The following IL9R variants were observed in gnomAD, a reference collection of about 807,000 sequenced individuals.
IL9R encodes interleukin 9 receptor, also known as interleukin-9 receptor.
Under a neutral mutation model 56.3 loss-of-function variants are expected in IL9R, and 54 were observed. The observed-to-expected ratio is 0.96, with a 90% CI of 0.77 to 1.20. The LOEUF (loss-of-function observed/expected upper bound fraction) is 1.20, where lower values mean the gene tolerates loss of function less well. Ranked by LOEUF, IL9R falls within the 50% of genes most tolerant of loss-of-function variation. IL9R has a pLI of 0.00. For synonymous variants in IL9R, 212 were observed against 250.2 expected (o/e 0.85, Z 1.44); for missense variants, 545 against 629.8 (o/e 0.87, Z 1.44).
intron 1 of IL9R, 66 bp downstream of exon 1, chrX:155,997,853 C>T (rs2067246533): frequency 1.4e-6 from 2 of 1,465,694 alleles, no homozygotes; most frequent in Admixed American, 1.7e-5. Flanking sequence ...CAGAGAGGGA[C>T]ATGTGGCCCT....
rs772005040 is a variant in IL9R at position 156,005,484 on chromosome X, G to T, written c.781+5G>T. ...TCCAGGCTCCCCAGAGACAAGGTGGGCACTGCTGTGGCTGCTGCACTTCCA... is the reference window on the plus strand; with the variant it reads ...TCCAGGCTCCCCAGAGACAAGGTGGTCACTGCTGTGGCTGCTGCACTTCCA... On this transcript the variant is annotated splice_donor_5th_base_variant and intron_variant, in intron 6 of 8. Coordinates refer to ENST00000244174, the MANE Select transcript of IL9R (RefSeq NM_002186.3). 6.2e-7 allele frequency: 1 copy of T among 1,611,264 alleles called. No homozygotes were observed. The highest frequency in any genetic ancestry group is 8.5e-7 in the Non-Finnish European group (1 of 1,178,478).
chrX:156,009,399 GTC>G (rs2068329290), intron 8 of IL9R, among the ~76,000 whole-genome samples: 1 of 146,914 alleles, frequency 6.8e-6, no homozygotes, highest in Non-Finnish European at 1.5e-5. Flanking sequence ...GTGTGTGTGT[GTC>G]TCTGTGTGTG....
At chrX:156,003,990 G>A (rs1204697150) in intron 4 of IL9R, 135 bp downstream of exon 4, 1 of 954,250 alleles carries the variant, frequency 1.0e-6, no homozygotes, top group Admixed American at 2.3e-5. Context: ...GAGATCCAGG[G>A]CTGGGGGCAG....
Position 156,009,795 on chromosome X carries a change from T to A in IL9R, c.973-21T>A, listed in dbSNP as rs759737088. On this transcript the variant is annotated intron_variant, in intron 8 of 8. Coordinates refer to ENST00000244174, the MANE Select transcript of IL9R (RefSeq NM_002186.3). ...TGAACATGCTACCTGAGCCCTTCCCTCCTCCCGTGCTCTGTTCCAGACTTG... is the reference window on the plus strand; with the variant it reads ...TGAACATGCTACCTGAGCCCTTCCCACCTCCCGTGCTCTGTTCCAGACTTG... 7.6e-5 allele frequency: 91 copies of A among 1,194,454 alleles called. 18 individuals carry two copies. The highest frequency in any genetic ancestry group is 9.4e-5 in the Non-Finnish European group (86 of 911,290). 74.0% of individuals were successfully genotyped at this position (1,194,454 alleles called of 1,614,324 possible).
chrX:156,011,390 C>T (rs2068439964), downstream of IL9R, among the ~76,000 whole-genome samples: 1 of 105,890 alleles, frequency 9.4e-6, no homozygotes, highest in South Asian at 3.5e-4. Context: ...TGATATTAGG[C>T]CAAGGAAGCT....
intron 1 of IL9R, among the ~76,000 whole-genome samples, chrX:156,002,283 G>A (rs376142434): frequency 3.3e-5 from 5 of 152,252 alleles, no homozygotes; most frequent in African/African-American, 1.2e-4. Context: ...CCAGGAGGCG[G>A]AGGTTGCAGT....
intron 3 of IL9R, 40 bp downstream of exon 3, chrX:156,003,600 G>C (rs752268036): frequency 6.2e-7 from 1 of 1,609,334 alleles, no homozygotes; most frequent in Admixed American, 1.7e-5. Context: ...CAGGGATGAG[G>C]GTGAGTTCCC....
intron 1 of IL9R, chrX:156,001,508 G>C (rs369491977): frequency 1.7e-4 from 274 of 1,597,184 alleles, no homozygotes; most frequent in Middle Eastern, 9.0e-4. Context: ...TCTAGGAAAG[G>C]GTGAGGCTTC....
At chrX:155,999,272 C>G (rs1239572853) in intron 1 of IL9R, among the ~76,000 whole-genome samples, 1 of 152,188 alleles carries the variant, frequency 6.6e-6, no homozygotes, top group East Asian at 1.9e-4. Context: ...CTTGTCCACC[C>G]AACACCTCTG....
At position 156,005,241 on chromosome X, in the gene IL9R, C is replaced by T. The variant is rs373858002; in HGVS notation, c.580-37C>T. Reference sequence around the variant, plus strand: ...TCTCGAGGGCTGAGGGACCCAGCCCCACCTTCACCACCTGCTAACTGTCCC... The same window carrying T: ...TCTCGAGGGCTGAGGGACCCAGCCCTACCTTCACCACCTGCTAACTGTCCC... On this transcript the variant is annotated intron_variant, in intron 5 of 8. Coordinates refer to ENST00000244174, the MANE Select transcript of IL9R (RefSeq NM_002186.3). The T allele has an allele frequency of 6.2e-5, 98 of 1,581,032 alleles. No homozygotes were observed. The African/African-American group carries it at 7.4e-4, about 12-fold the overall frequency.
intron 1 of IL9R, among the ~76,000 whole-genome samples, chrX:155,998,841 G>A (rs2067315072): frequency 6.6e-6 from 1 of 152,028 alleles, no homozygotes; most frequent in Non-Finnish European, 1.5e-5. Context: ...ACCTTCAACT[G>A]CAGTGGGGCA....
At chrX:156,009,252 CTGTGTG>C (rs1262813249) in intron 8 of IL9R, among the ~76,000 whole-genome samples, 2 of 69,612 alleles carry the variant, frequency 2.9e-5, no homozygotes, top group African/African-American at 1.1e-4. Context: ...GTGTGTGTGT[CTGTGTG>C]TGTGTGTTTG....
intron 1 of IL9R, chrX:156,001,341 G>A: frequency 2.8e-6 from 3 of 1,058,014 alleles, no homozygotes; most frequent in Non-Finnish European, 4.5e-6. Flanking sequence ...TCCTGGTGGT[G>A]ACTCCAACCC....
intron 8 of IL9R, among the ~76,000 whole-genome samples, chrX:156,008,809 T>G (rs1382943224): frequency 4.6e-5 from 7 of 152,228 alleles, no homozygotes; most frequent in Non-Finnish European, 8.8e-5. Flanking sequence ...GATCCAGGTC[T>G]GCTGGCCATA....
intron 1 of IL9R, chrX:156,001,323 TC>T: frequency 1.1e-6 from 1 of 923,658 alleles, no homozygotes; most frequent in Non-Finnish European, 1.8e-6. Context: ...TGCCTGTGCT[TC>T]CCCAGGTCCT....
intron 8 of IL9R, among the ~76,000 whole-genome samples, chrX:156,008,477 G>C (rs1356046754): frequency 1.3e-5 from 2 of 152,088 alleles, no homozygotes; most frequent in South Asian, 2.1e-4. Context: ...CTGGCTCTTG[G>C]CAGAGTCTCC....
chrX:156,002,980 T>C lies in IL9R; in HGVS notation c.103T>C (p.Cys35Arg), dbSNP rs1208966952. Residue 35 changes from cysteine (C) to arginine (R), a missense_variant, in exon 2 of 9, where the codon TGT (cysteine) becomes CGT (arginine). This residue lies in a region of IL9R where 431 missense variants were observed against 360.0 expected (regional missense o/e 1.20). Transcript: ENST00000244174. ...WLLACICICT[C>R]VCLGVSVTGE... ...CCTGGCCTGCATCTGCATCTGCACC[T>C]GTGTCTGCTTGGGAGTCTCTGTCAC... The C allele has an allele frequency of 6.2e-7, 1 of 1,613,884 alleles. No individual in the cohort carries two copies. Among genetic ancestry groups the C allele is most frequent in the Non-Finnish European group, 8.5e-7 (1 of 1,179,844 alleles).
chrX:156,004,185 A>G (rs1471182770), intron 4 of IL9R: 4 of 602,002 alleles, frequency 6.6e-6, no homozygotes, highest in Non-Finnish European at 1.2e-5. Context: ...CAGACTGTGA[A>G]GGAAAGGGAA....
At chrX:156,002,401 CCCT>C (rs2067594479) in intron 1 of IL9R, among the ~76,000 whole-genome samples, 1 of 152,122 alleles carries the variant, frequency 6.6e-6, no homozygotes, top group African/African-American at 2.4e-5. Flanking sequence ...AAGTCATTTC[CCCT>C]CCTTGGGACT....
Sources: gnomAD v4.1 joint callset for allele counts (sites outside exome capture counted in the v4.1 genomes callset) on GRCh38, gnomAD v4.1.1 for gene constraint, gnomAD v4.1.1 regional missense constraint, MANE v1.5 for transcripts, NCBI Gene and HGNC (gene_info 2026-07-23, HGNC 2026-07-21) for gene names.